SP100: variants seen among roughly 807,000 people sequenced by gnomAD.
The protein encoded by SP100 is SP100 nuclear body protein.
Under a neutral mutation model 130.0 loss-of-function variants are expected in SP100, and 84 were observed. The observed-to-expected ratio is 0.65, with a 90% CI of 0.54 to 0.77. SP100 has a LOEUF of 0.77. Ranked by LOEUF, SP100 falls within the 30% of genes least tolerant of loss-of-function variation. The pLI is 0.00. For missense variants in SP100, 978 were observed against 1,052.2 expected (o/e 0.93, Z 0.97); for synonymous variants, 331 against 351.7 (o/e 0.94, Z 0.66).
chr2:230,424,240 T>C (rs745382177), intron 2 of SP100, among the ~76,000 whole-genome samples: 1 of 152,164 alleles, frequency 6.6e-6, no homozygotes, highest in Non-Finnish European at 1.5e-5. Context: ...AGAAGATTGA[T>C]TGCAGAGCAA....
intron 4 of SP100, among the ~76,000 whole-genome samples, chr2:230,446,285 T>C (rs925659385): frequency 6.6e-6 from 1 of 152,140 alleles, no homozygotes; most frequent in African/African-American, 2.4e-5. Context: ...ATTTTATTTT[T>C]CTTTTCAAAG....
intron 24 of SP100, among the ~76,000 whole-genome samples, chr2:230,512,841 A>T (rs1461049223): frequency 6.6e-6 from 1 of 152,216 alleles, no homozygotes; most frequent in Non-Finnish European, 1.5e-5. Context: ...TTTTTCTGCA[A>T]CTAAAAGTTC....
chr2:230,521,706 G>T (rs949422650), intron 24 of SP100, among the ~76,000 whole-genome samples: 1 of 152,140 alleles, frequency 6.6e-6, no homozygotes, highest in African/African-American at 2.4e-5. Flanking sequence ...TAAACATGTT[G>T]CTTGTGGCTT....
At chr2:230,427,018 T>C (rs781660818) in intron 2 of SP100, among the ~76,000 whole-genome samples, 1 of 152,218 alleles carries the variant, frequency 6.6e-6, no homozygotes, top group Non-Finnish European at 1.5e-5. Context: ...GTATCTCTTG[T>C]GGCCATTTTT....
chr2:230,446,489 C>T lies in SP100; in HGVS notation c.440-330C>T, dbSNP rs192155180. On this transcript the variant is annotated intron_variant, in intron 4 of 28. Transcript: ENST00000340126. ...GAATCTCTCTAGGACTTGAGACCTT[C>T]TCCCCAGGGAATTCCCCAGTTTCTT... 1.6e-3 allele frequency among the ~76,000 whole-genome samples: 250 copies of T among 152,356 alleles called. 1 individual carries two copies. Among genetic ancestry groups the T allele is most frequent in the Non-Finnish European group, 2.6e-3 (175 of 68,030 alleles).
intron 24 of SP100, chr2:230,515,446 C>G: frequency 6.2e-7 from 1 of 1,613,588 alleles, no homozygotes; most frequent in Non-Finnish European, 8.5e-7. Flanking sequence ...AGCTGACAAG[C>G]AGTTTTATGA....
rs766727314 is a variant in SP100, at chr2:230,450,236, G to A, written c.801G>A (p.Pro267=). The A allele has an allele frequency of 1.1e-5, 17 of 1,612,992 alleles. No homozygotes were observed. Among genetic ancestry groups the A allele is most frequent in the Middle Eastern group, 1.7e-4 (1 of 6,060 alleles). The change falls in exon 8 of 29, where the codon CCG becomes CCA. Residue 267 remains proline (P), a synonymous_variant. Coordinates refer to ENST00000340126, the MANE Select transcript of SP100 (RefSeq NM_001080391.2). ...NGDAGREMPC[P]LPCDEESPEA... The stretch of plus-strand genomic sequence containing the variant: ...ATGCTGGAAGGGAGATGCCCTGCCC[G>A]TTGCCCTGTGATGAAGAAAGTAATT...
intron 17 of SP100, among the ~76,000 whole-genome samples, chr2:230,478,319 A>G (rs905483948): frequency 6.6e-6 from 1 of 152,182 alleles, no homozygotes; most frequent in Non-Finnish European, 1.5e-5. Flanking sequence ...AGGCCCAAAA[A>G]TTATCAAATA....
At chr2:230,434,933 C>G (rs966510681) in intron 2 of SP100, among the ~76,000 whole-genome samples, 1 of 152,184 alleles carries the variant, frequency 6.6e-6, no homozygotes, top group Non-Finnish European at 1.5e-5. Context: ...AAGGATCTGG[C>G]TTTCACTCAT....
At chr2:230,435,771 G>A (rs1417293018) in intron 2 of SP100, among the ~76,000 whole-genome samples, 1 of 151,750 alleles carries the variant, frequency 6.6e-6, no homozygotes, top group Non-Finnish European at 1.5e-5. Flanking sequence ...CTGTGTCCAT[G>A]TGTTCTCATC....
intron 24 of SP100, among the ~76,000 whole-genome samples, chr2:230,523,192 C>A (rs1293573476): frequency 2.0e-5 from 3 of 152,226 alleles, no homozygotes; most frequent in African/African-American, 7.2e-5. Flanking sequence ...GATAACATAT[C>A]CGGGCAAAGT....
intron 24 of SP100, among the ~76,000 whole-genome samples, chr2:230,512,650 G>A (rs560513480): frequency 5.3e-5 from 8 of 152,214 alleles, no homozygotes; most frequent in South Asian, 2.1e-4. Flanking sequence ...CCAATTTTGT[G>A]GAAGACAGTT....
At chr2:230,473,219 C>A (rs2065362266) in intron 15 of SP100, 105 bp from the exon 16 acceptor site, 2 of 698,194 alleles carry the variant, frequency 2.9e-6, no homozygotes, top group African/African-American at 1.8e-5. Flanking sequence ...TAGAGCCCAT[C>A]CCTTAATTTA....
rs992008201 is a variant in SP100, at chr2:230,498,595, G to A, written c.1720+60G>A. The A allele has an allele frequency of 4.1e-6, 4 of 973,864 alleles. No homozygotes were observed. The Admixed American group carries it at 1.5e-4, about 37-fold the overall frequency. The allele number at this position is 973,864 out of a possible 1,614,324, so 60.3% of individuals were successfully genotyped here. On this transcript the variant is annotated intron_variant, in intron 19 of 28. Transcript: ENST00000340126. ...GTCTAAATTCTCATGCTCTTAGTAA[G>A]AAACATTTTTTTCCTAAATGCTTTA...
rs773183421 is a variant in SP100 at position 230,498,587 on chromosome 2, C to G, written c.1720+52C>G. 3.9e-6 allele frequency: 4 copies of G among 1,021,306 alleles called. No homozygotes were observed. The African/African-American group carries it at 5.1e-5, about 13-fold the overall frequency. 63.3% of individuals were successfully genotyped at this position (1,021,306 alleles called of 1,614,324 possible). ...TAAATAACGTCTAAATTCTCATGCT[C>G]TTAGTAAGAAACATTTTTTTCCTAA... On this transcript the variant is annotated intron_variant, in intron 19 of 28. Coordinates refer to ENST00000340126, the MANE Select transcript of SP100 (RefSeq NM_001080391.2).
intron 24 of SP100, among the ~76,000 whole-genome samples, chr2:230,524,092 G>C (rs372688516): frequency 2.0e-5 from 3 of 148,194 alleles, no homozygotes; most frequent in African/African-American, 7.5e-5. Flanking sequence ...CCAGCACTTT[G>C]AGAGGCCGAG....
intron 24 of SP100, among the ~76,000 whole-genome samples, chr2:230,537,285 T>C (rs1691983043): frequency 6.6e-6 from 1 of 152,178 alleles, no homozygotes; most frequent in South Asian, 2.1e-4. Flanking sequence ...GCAGCTGGAC[T>C]GGTACAGGAC....
At chr2:230,531,669 T>C (rs1226634158) in intron 24 of SP100, among the ~76,000 whole-genome samples, 2 of 152,212 alleles carry the variant, frequency 1.3e-5, no homozygotes, top group African/African-American at 4.8e-5. Context: ...TTCACATACA[T>C]GCTTGCATTG....
chr2:230,419,656 T>G (rs1039031345), intron 2 of SP100, among the ~76,000 whole-genome samples: 4 of 152,216 alleles, frequency 2.6e-5, no homozygotes, highest in African/African-American at 9.7e-5. Context: ...TTTACATAAT[T>G]TTTATTACAC....
Sources: gnomAD v4.1 joint callset for allele counts (sites outside exome capture counted in the v4.1 genomes callset) on GRCh38, gnomAD v4.1.1 for gene constraint, MANE v1.5 for transcripts, NCBI Gene and HGNC (gene_info 2026-07-23, HGNC 2026-07-21) for gene names.